USP22: variants seen among roughly 807,000 people sequenced by gnomAD.
USP22 encodes the protein ubiquitin carboxyl-terminal hydrolase 22.
USP22 carries 22 observed loss-of-function variants against 68.1 expected under a neutral mutation model. That is an observed-to-expected ratio of 0.32 (90% CI 0.23 to 0.46). The LOEUF is 0.46. Ranked by LOEUF, USP22 falls within the 20% of genes least tolerant of loss-of-function variation. The pLI, the probability that USP22 is intolerant of heterozygous loss-of-function variation, is 1.00. For synonymous variants in USP22, 279 were observed against 274.2 expected, an observed-to-expected ratio of 1.02 and a Z score of -0.17; for missense variants, 433 against 695.8, an observed-to-expected ratio of 0.62 and a Z score of 4.25.
chr17:21,015,008 T>C lies in USP22; in HGVS notation c.838+744A>G, dbSNP rs546220323. Among the ~76,000 whole-genome samples the C allele has an allele frequency of 8.5e-5, 13 of 152,220 alleles. No individual in the cohort carries two copies. In the South Asian group the frequency reaches 2.7e-3, roughly 32 times the overall value. ...AGACCTGCAAGTGACCAGCCCACACTCATCTGAGAATCACCTCTCAGTCTC... is the reference window on the plus strand; with the variant it reads ...AGACCTGCAAGTGACCAGCCCACACCCATCTGAGAATCACCTCTCAGTCTC... On this transcript the variant is annotated intron_variant, in intron 6 of 12. Coordinates refer to ENST00000261497, the MANE Select transcript of USP22 (RefSeq NM_015276.2).
intron 4 of USP22, among the ~76,000 whole-genome samples, chr17:21,018,532 T>C (rs117843447): frequency 0.031 from 4,659 of 151,876 alleles, 98 homozygotes; most frequent in Middle Eastern, 0.061. Context: ...CTGGGCAACA[T>C]GGTGAGATGT....
chr17:21,028,295 G>A (rs1480088305), intron 2 of USP22, among the ~76,000 whole-genome samples: 1 of 152,158 alleles, frequency 6.6e-6, no homozygotes. Context: ...CTTTTCACAG[G>A]AAGTCAGCTG....
chr17:21,011,297 G>T lies in USP22; in HGVS notation c.957C>A (p.Thr319=). ...VTCQVCHGVS[T]TIDPFWDISL... is the part of the protein sequence containing the mutation. Reference sequence around the variant, plus strand: ...TGATGTCCCAGAAGGGGTCGATGGTGGTGGAGACTCCACTGGAAGCAGAGG... The same window carrying T: ...TGATGTCCCAGAAGGGGTCGATGGTTGTGGAGACTCCACTGGAAGCAGAGG... Residue 319 remains threonine, a synonymous_variant, in exon 8 of 13, where the codon ACC becomes ACA. Transcript: ENST00000261497. 6.4e-7 allele frequency: 1 copy of T among 1,559,800 alleles called. No individual in the cohort carries two copies. The highest frequency in any genetic ancestry group is 8.7e-7 in the Non-Finnish European group (1 of 1,151,368).
At chr17:21,038,266 G>C (rs1020761577) in intron 1 of USP22, among the ~76,000 whole-genome samples, 2 of 151,358 alleles carry the variant, frequency 1.3e-5, no homozygotes, top group Admixed American at 1.3e-4. Flanking sequence ...ACAATAGCAC[G>C]TATCAGGAAA....
intron 1 of USP22, among the ~76,000 whole-genome samples, chr17:21,042,449 G>A (rs1366454995): frequency 6.8e-6 from 1 of 146,348 alleles, no homozygotes; most frequent in African/African-American, 2.6e-5. Flanking sequence ...GGGAAGGATA[G>A]GAAGATGAGG....
rs763951945 is a variant in USP22, at chr17:21,021,235, A to G, written c.305-9T>C. On this transcript the variant is annotated splice_polypyrimidine_tract_variant and intron_variant, in intron 2 of 12. Coordinates refer to ENST00000261497, the MANE Select transcript of USP22 (RefSeq NM_015276.2). ...GTACATCAGATCAATGGCTGAGGAG[A>G]GAAAGGAGGGAGGAGAAACCAAGTT... 4 of 1,587,982 alleles carry G rather than the reference A, an allele frequency of 2.5e-6. No homozygotes were observed. Among genetic ancestry groups the G allele is most frequent in the Non-Finnish European group, 3.5e-6 (4 of 1,156,158 alleles).
intron 8 of USP22, among the ~76,000 whole-genome samples, chr17:21,009,116 A>G (rs75512013): frequency 2.1e-5 from 3 of 143,000 alleles, no homozygotes; most frequent in Non-Finnish European, 4.6e-5. Flanking sequence ...AAAAAAAAAA[A>G]GGCAAGAGGA....
upstream of USP22, chr17:21,043,123 A>ACCCCCCCCCCCCCC (rs1334241677): frequency 3.2e-4 from 6 of 18,884 alleles, no homozygotes; most frequent in Admixed American, 1.1e-3. Context: ...AGATTACGTC[A>ACCCCCCCCCCCCCC]CCCCCCCCCC....
At position 21,042,546 on chromosome 17, in the gene USP22, G is replaced by T. The variant is rs995349909; in HGVS notation, c.171+119C>A. 4 of 992,248 alleles carry T rather than the reference G, an allele frequency of 4.0e-6. No individual in the cohort carries two copies. The African/African-American group carries it at 6.8e-5, about 17-fold the overall frequency. 61.5% of individuals were successfully genotyped at this position (992,248 alleles called of 1,614,324 possible). A position where few individuals can be genotyped will look rare whatever the true frequency, so the allele number is the denominator to read the frequency against. ...AGAGGGCAGAAGGAGAGAGGAAGAG[G>T]AAGGACAGGGAAAGGCAACGGGGGA... On this transcript the variant is annotated intron_variant, in intron 1 of 12. Coordinates refer to ENST00000261497, the MANE Select transcript of USP22 (RefSeq NM_015276.2).
chr17:21,043,112 G>A (rs866440130), upstream of USP22: 41 of 126,050 alleles, frequency 3.3e-4, no homozygotes, highest in South Asian at 3.5e-4. Context: ...GCCGCGGACG[G>A]AGATTACGTC....
intron 7 of USP22, chr17:21,011,522 C>T (rs957557106): frequency 2.8e-5 from 16 of 567,914 alleles, no homozygotes; most frequent in Middle Eastern, 4.3e-4. Flanking sequence ...TGTGTGAACT[C>T]GGAAGGCGAG....
intron 8 of USP22, among the ~76,000 whole-genome samples, chr17:21,008,205 T>G (rs1303351276): frequency 1.3e-5 from 2 of 152,232 alleles, no homozygotes; most frequent in African/African-American, 2.4e-5. Context: ...ATATTTTTTT[T>G]CCAGGAAAGG....
At chr17:21,025,438 A>C (rs980525409) in intron 2 of USP22, among the ~76,000 whole-genome samples, 17 of 152,358 alleles carry the variant, frequency 1.1e-4, no homozygotes, top group African/African-American at 3.8e-4. Flanking sequence ...AGCCACAAAA[A>C]AAAGATGGTG....
chr17:21,018,065 G>A lies in USP22; in HGVS notation c.567C>T (p.Cys189=). ...INLGNTCFMN[C]IVQALTHTPL... is the part of the protein sequence containing the mutation. Reference sequence around the variant, plus strand: ...GCGTGTGGGTCAGGGCCTGCACGATGCAGTTCATGAAGCATGTGTTCCCAA... The same window carrying A: ...GCGTGTGGGTCAGGGCCTGCACGATACAGTTCATGAAGCATGTGTTCCCAA... Residue 189 remains cysteine, a synonymous_variant, in exon 5 of 13, where the codon TGC becomes TGT. Coordinates refer to ENST00000261497, the MANE Select transcript of USP22 (RefSeq NM_015276.2). 1 of 1,612,458 alleles carries A rather than the reference G, an allele frequency of 6.2e-7. No individual in the cohort carries two copies. The highest frequency in any genetic ancestry group is 2.2e-5 in the East Asian group (1 of 44,846).
intron 2 of USP22, among the ~76,000 whole-genome samples, chr17:21,027,071 G>A (rs551397425): frequency 2.0e-5 from 3 of 151,830 alleles, no homozygotes; most frequent in East Asian, 3.9e-4. Flanking sequence ...TGGGATTACA[G>A]ACATGAGCCA....
intron 1 of USP22, among the ~76,000 whole-genome samples, chr17:21,036,795 C>T (rs562483610): frequency 1.3e-5 from 2 of 152,230 alleles, no homozygotes; most frequent in South Asian, 2.1e-4. Flanking sequence ...TGTATATGCA[C>T]GCATTTGTAT....
chr17:21,007,119 A>T, intron 9 of USP22, 132 bp from the exon 10 acceptor site: 1 of 720,618 alleles, frequency 1.4e-6, no homozygotes. Context: ...CCTTGTAGCT[A>T]CATCTAGAAT....
chr17:21,037,968 T>C lies in USP22; in HGVS notation c.171+4697A>G, dbSNP rs72840129. On this transcript the variant is annotated intron_variant, in intron 1 of 12. Transcript: ENST00000261497. ...ATGTCAATCTACAATGACCTCAAAA[T>C]TAAAACCTTAAACAGAAAAATGTTT... Among the ~76,000 whole-genome samples, 1,208 of 152,330 alleles carry C rather than the reference T, an allele frequency of 7.9e-3. 16 individuals are homozygous for C. Among genetic ancestry groups the C allele is most frequent in the Admixed American group, 0.015 (236 of 15,302 alleles).
intron 2 of USP22, among the ~76,000 whole-genome samples, chr17:21,024,641 G>C (rs1232296977): frequency 1.3e-5 from 2 of 152,148 alleles, no homozygotes; most frequent in Non-Finnish European, 2.9e-5. Flanking sequence ...GGGATTCTTA[G>C]ATCTGACACA....
Sources: gnomAD v4.1 joint callset for allele counts (sites outside exome capture counted in the v4.1 genomes callset) on GRCh38, gnomAD v4.1.1 for gene constraint, MANE v1.5 for transcripts, NCBI Gene and HGNC (gene_info 2026-07-23, HGNC 2026-07-21) for gene names.